The following ZNF292 variants were observed in gnomAD, a reference collection of about 807,000 sequenced individuals.
The protein encoded by ZNF292 is zinc finger protein 292, also known as 16 zinc-finger domain protein.
Under a neutral mutation model 217.9 loss-of-function variants are expected in ZNF292, and 26 were observed. That is an observed-to-expected ratio of 0.12 (90% CI 0.09 to 0.17). ZNF292 has a LOEUF of 0.17. Among genes scored for constraint, ZNF292 ranks in the 10% least tolerant of loss-of-function variants. The pLI, the probability that ZNF292 is intolerant of heterozygous loss-of-function variation, is 1.00. For synonymous variants in ZNF292, 1,257 were observed against 1,124.1 expected (o/e 1.12, Z -2.37); for missense variants, 2,904 against 3,175.2 (o/e 0.91, Z 2.05).
Position 87,264,259 on chromosome 6 carries a change from C to T in ZNF292, c.*2458C>T, listed in dbSNP as rs1431709536. 6.6e-6 allele frequency: 1 copy of T among 152,146 alleles called. No homozygotes were observed. The highest frequency in any genetic ancestry group is 1.5e-5 in the Non-Finnish European group (1 of 68,026). 9.4% of individuals were successfully genotyped at this position (152,146 alleles called of 1,614,324 possible). On this transcript the variant is annotated 3_prime_UTR_variant, in exon 8 of 8. Transcript: ENST00000369577. ...CAGCCTAAATTTGCTAAAGTTTCAT[C>T]ACTAAAAAGTAGGAGTTTTTCCTCT...
chr6:87,258,858 T>C lies in ZNF292; in HGVS notation c.5229T>C (p.Asp1743=). 1 of 1,609,826 alleles carries C rather than the reference T, an allele frequency of 6.2e-7. No homozygotes were observed. ...LNSCTTSINS[D]LQISEDNVIQ... ...CATGCACAACTTCAATAAATTCTGA[T>C]TTGCAGATTTCTGAAGACAATGTTA... Residue 1743 remains aspartate (D), a synonymous_variant, in exon 8 of 8, where the codon GAT becomes GAC. Coordinates refer to ENST00000369577, the MANE Select transcript of ZNF292 (RefSeq NM_015021.3).
Position 87,255,333 on chromosome 6 carries a change from T to A in ZNF292, c.1704T>A (p.Ile568=), listed in dbSNP as rs1278064924. Residue 568 remains isoleucine (I), a synonymous_variant, in exon 8 of 8, where the codon ATT becomes ATA. Coordinates refer to ENST00000369577, the MANE Select transcript of ZNF292 (RefSeq NM_015021.3). ...CTCAGAAACATTACAAAGATGGAAT[T>A]TATAGTTGCCCCATATGTGCAAAGA... ...RHAQKHYKDG[I]YSCPICAKNF... 1 of 1,613,804 alleles carries A rather than the reference T, an allele frequency of 6.2e-7. No individual in the cohort carries two copies. The highest frequency in any genetic ancestry group is 1.1e-5 in the South Asian group (1 of 91,070).
chr6:87,232,376 T>G (rs866902544), intron 4 of ZNF292, among the ~76,000 whole-genome samples: 1 of 152,116 alleles, frequency 6.6e-6, no homozygotes. Context: ...GATGTATCTT[T>G]CAGTCTGTTA....
At chr6:87,165,876 G>C (rs1770896330) in intron 1 of ZNF292, among the ~76,000 whole-genome samples, 1 of 150,744 alleles carries the variant, frequency 6.6e-6, no homozygotes, top group Non-Finnish European at 1.5e-5. Context: ...TCCCGCCTCA[G>C]CTTCCCGAGT....
intron 1 of ZNF292, among the ~76,000 whole-genome samples, chr6:87,181,045 G>C (rs1442826549): frequency 1.3e-5 from 2 of 152,090 alleles, no homozygotes; most frequent in Non-Finnish European, 2.9e-5. Context: ...GTAATGTCTA[G>C]GGGTGAGTGC....
intron 4 of ZNF292, 106 bp from the exon 5 acceptor site, chr6:87,233,219 A>T (rs1773738862): frequency 2.4e-6 from 2 of 835,688 alleles, no homozygotes; most frequent in East Asian, 2.7e-5. Flanking sequence ...GAAAATTGAA[A>T]AAAAGCATTT....
intron 4 of ZNF292, among the ~76,000 whole-genome samples, chr6:87,220,279 A>G (rs1207468908): frequency 6.6e-6 from 1 of 152,198 alleles, no homozygotes; most frequent in Non-Finnish European, 1.5e-5. Context: ...TAGATGTGAT[A>G]TATTAGTAAT....
Position 87,258,451 on chromosome 6 carries a change from G to C in ZNF292, c.4822G>C (p.Val1608Leu). Residue 1608 changes from valine (V) to leucine (L), a missense_variant, in exon 8 of 8, where the codon GTT (valine) becomes CTT (leucine). Val to Leu is a conservative substitution (Grantham distance 32, BLOSUM62 1). Coordinates refer to ENST00000369577, the MANE Select transcript of ZNF292 (RefSeq NM_015021.3). ...TACCAGTAACAGTTCTCGTGTTTCT[G>C]TTATAAGTGGTCCTCAGAACACAAG... ...NFTSNSSRVS[V>L]ISGPQNTRSS... The C allele has an allele frequency of 6.2e-7, 1 of 1,613,612 alleles. No individual in the cohort carries two copies. Among genetic ancestry groups the C allele is most frequent in the Non-Finnish European group, 8.5e-7 (1 of 1,179,752 alleles).
chr6:87,232,729 CTTTGGCGAAGTTTTATCCT>C (rs1299061453), intron 4 of ZNF292, among the ~76,000 whole-genome samples: 1 of 26,942 alleles, frequency 3.7e-5, no homozygotes, highest in Non-Finnish European at 6.4e-5. Flanking sequence ...AAGTTTTATC[CTTTGGCGAAGTTTTATCCT>C]TTGGCAAACT....
intron 5 of ZNF292, among the ~76,000 whole-genome samples, chr6:87,238,664 A>C (rs1356493448): frequency 1.6e-5 from 2 of 121,764 alleles, no homozygotes; most frequent in Admixed American, 1.6e-4. Context: ...TTATTTTTTT[A>C]TTTCTTTTTG....
Position 87,259,994 on chromosome 6 carries a change from T to C in ZNF292, c.6365T>C (p.Phe2122Ser), listed in dbSNP as rs1173556604. Residue 2122 changes from phenylalanine to serine, a missense_variant, in exon 8 of 8, where the codon TTT becomes TCT. Coordinates refer to ENST00000369577, the MANE Select transcript of ZNF292 (RefSeq NM_015021.3). Reference sequence around the variant, plus strand: ...TATCGATGTGTTCACCAGGGATGCTTTGCTGCCTTTACGATACAGCAAAAC... The same window carrying C: ...TATCGATGTGTTCACCAGGGATGCTCTGCTGCCTTTACGATACAGCAAAAC... ...RPYRCVHQGC[F>S]AAFTIQQNLI... The C allele has an allele frequency of 6.2e-7, 1 of 1,613,508 alleles. No individual in the cohort carries two copies. The highest frequency in any genetic ancestry group is 8.5e-7 in the Non-Finnish European group (1 of 1,179,670).
At chr6:87,239,347 G>A (rs1418733411) in intron 5 of ZNF292, among the ~76,000 whole-genome samples, 1 of 149,652 alleles carries the variant, frequency 6.7e-6, no homozygotes, top group Non-Finnish European at 1.5e-5. Flanking sequence ...GCCAGGCGGG[G>A]GCTGCCCCCC....
At chr6:87,156,041 A>C (rs1251472687) in intron 1 of ZNF292, among the ~76,000 whole-genome samples, 6 of 152,194 alleles carry the variant, frequency 3.9e-5, no homozygotes, top group Non-Finnish European at 7.3e-5. Context: ...CCCGCGGCTG[A>C]GGAAATGTAC....
chr6:87,236,794 T>TAA (rs1279865008), intron 5 of ZNF292, among the ~76,000 whole-genome samples: 5 of 152,214 alleles, frequency 3.3e-5, no homozygotes, highest in Non-Finnish European at 5.9e-5. Context: ...TTCCCTCTAT[T>TAA]ATTGTGGACA....
intron 5 of ZNF292, among the ~76,000 whole-genome samples, chr6:87,241,498 T>G (rs1424590695): frequency 2.0e-5 from 3 of 150,130 alleles, no homozygotes; most frequent in Non-Finnish European, 4.4e-5. Flanking sequence ...TTTGTCTCAC[T>G]GCTGCCACCT....
Position 87,165,619 on chromosome 6 carries a change from GA to G in ZNF292, c.168+9861del, listed in dbSNP as rs1340530317. 2.0e-5 allele frequency among the ~76,000 whole-genome samples: 3 copies of G among 152,242 alleles called. No individual in the cohort carries two copies. The East Asian group carries it at 5.8e-4, about 29-fold the overall frequency. On this transcript the variant is annotated intron_variant, in intron 1 of 7. Coordinates refer to ENST00000369577, the MANE Select transcript of ZNF292 (RefSeq NM_015021.3). Reference sequence around the variant, plus strand: ...CCACAGTTTGAAAAATACTATTTTAGAGGGTCACTGGGATTCAATTCAGTAG... The same window carrying G: ...CCACAGTTTGAAAAATACTATTTTAGGGGTCACTGGGATTCAATTCAGTAG...
At chr6:87,228,767 T>C (rs949085515) in intron 4 of ZNF292, among the ~76,000 whole-genome samples, 1 of 152,216 alleles carries the variant, frequency 6.6e-6, no homozygotes, top group Non-Finnish European at 1.5e-5. Flanking sequence ...CTGGACTCTT[T>C]TCTATTGCAT....
chr6:87,222,629 G>A lies in ZNF292; in HGVS notation c.538+3898G>A, dbSNP rs375252583. The A allele has an allele frequency of 1.1e-4, 29 of 257,930 alleles. 1 individual carries two copies. In the East Asian group the frequency reaches 1.3e-3, roughly 12 times the overall value. 16.0% of individuals were successfully genotyped at this position (257,930 alleles called of 1,614,324 possible). A position where few individuals can be genotyped will look rare whatever the true frequency, so the allele number is the denominator to read the frequency against. On this transcript the variant is annotated intron_variant, in intron 4 of 7. Coordinates refer to ENST00000369577, the MANE Select transcript of ZNF292 (RefSeq NM_015021.3). Reference sequence around the variant, plus strand: ...AAGAGTTTCCATATACCCTGAACCCGTTTTCACTCTCATTAATATCTTACA... The same window carrying A: ...AAGAGTTTCCATATACCCTGAACCCATTTTCACTCTCATTAATATCTTACA...
intron 5 of ZNF292, among the ~76,000 whole-genome samples, chr6:87,235,961 CATTA>C (rs1773885383): frequency 6.6e-6 from 1 of 152,266 alleles, no homozygotes; most frequent in African/African-American, 2.4e-5. Flanking sequence ...AAAGTAACAA[CATTA>C]CTTTGTTAAA....
Sources: gnomAD v4.1 joint callset for allele counts (sites outside exome capture counted in the v4.1 genomes callset) on GRCh38, gnomAD v4.1.1 for gene constraint, MANE v1.5 for transcripts, NCBI Gene and HGNC (gene_info 2026-07-23, HGNC 2026-07-21) for gene names.